The following LIMCH1 variants were observed in gnomAD, a reference collection of about 807,000 sequenced individuals.
LIMCH1 encodes the protein LIM and calponin homology domains 1, also known as LIM and calponin homology domains-containing protein 1.
LIMCH1 carries 113 observed loss-of-function variants against 176.5 expected under a neutral mutation model. That is an observed-to-expected ratio of 0.64 (90% confidence interval 0.55 to 0.75). The LOEUF is 0.75. Among genes scored for constraint, LIMCH1 ranks in the 30% least tolerant of loss-of-function variants. The pLI is 0.00. For synonymous variants in LIMCH1, 619 were observed against 645.9 expected, an observed-to-expected ratio of 0.96 and a Z score of 0.63; for missense variants, 1,674 against 1,814.9, an observed-to-expected ratio of 0.92 and a Z score of 1.41.
chr4:41,669,322 T>C (rs1006884561), intron 21 of LIMCH1, among the ~76,000 whole-genome samples: 14 of 152,204 alleles, frequency 9.2e-5, no homozygotes, highest in African/African-American at 1.7e-4. Flanking sequence ...ATTCTAGTAA[T>C]TGTAGAATAG....
At chr4:41,526,768 C>T (rs1055678850) in intron 3 of LIMCH1, among the ~76,000 whole-genome samples, 2 of 152,212 alleles carry the variant, frequency 1.3e-5, no homozygotes, top group Non-Finnish European at 2.9e-5. Flanking sequence ...CTTGCATCAC[C>T]AGTCCTGTGC....
At chr4:41,476,207 T>C (rs1473639407) in intron 1 of LIMCH1, among the ~76,000 whole-genome samples, 2 of 152,264 alleles carry the variant, frequency 1.3e-5, no homozygotes, top group East Asian at 1.9e-4. Flanking sequence ...GTGTTTAAGC[T>C]GATGTGTGGC....
At chr4:41,557,096 G>C (rs2081370871) in intron 1 of LIMCH1, among the ~76,000 whole-genome samples, 1 of 152,126 alleles carries the variant, frequency 6.6e-6, no homozygotes, top group Admixed American at 6.5e-5. Context: ...TGTATCGATT[G>C]CTTGACAATC....
intron 1 of LIMCH1, among the ~76,000 whole-genome samples, chr4:41,411,382 T>C (rs1203806308): frequency 6.6e-6 from 1 of 152,184 alleles, no homozygotes; most frequent in Non-Finnish European, 1.5e-5. Flanking sequence ...TTTTTTTGTT[T>C]GTGTTTTTTG....
At chr4:41,532,789 G>A (rs1328302600) in intron 3 of LIMCH1, among the ~76,000 whole-genome samples, 1 of 152,150 alleles carries the variant, frequency 6.6e-6, no homozygotes, top group African/African-American at 2.4e-5. Context: ...GTCCTTTCTG[G>A]TTTTCTTTTA....
At chr4:41,471,337 C>T (rs970348576) in intron 1 of LIMCH1, among the ~76,000 whole-genome samples, 1 of 152,150 alleles carries the variant, frequency 6.6e-6, no homozygotes, top group Non-Finnish European at 1.5e-5. Flanking sequence ...TCACCTTGAA[C>T]TGATTTTAAT....
At chr4:41,637,174 CTCCTTT>C (rs5857810) in intron 13 of LIMCH1, among the ~76,000 whole-genome samples, 1 of 151,016 alleles carries the variant, frequency 6.6e-6, no homozygotes, top group African/African-American at 2.4e-5. Context: ...TGCCCTTGCA[CTCCTTT>C]TCCTTTTCCT....
chr4:41,368,270 G>A (rs2053408483), intron 1 of LIMCH1, among the ~76,000 whole-genome samples: 1 of 152,222 alleles, frequency 6.6e-6, no homozygotes. Flanking sequence ...TTTAATGTGT[G>A]AAAGTGTGCT....
At chr4:41,484,894 CA>C (rs2069244692) in intron 1 of LIMCH1, among the ~76,000 whole-genome samples, 1 of 151,912 alleles carries the variant, frequency 6.6e-6, no homozygotes, top group Non-Finnish European at 1.5e-5. Context: ...AGATTGCTTT[CA>C]AAAAACAACC....
At position 41,439,314 on chromosome 4, in the gene LIMCH1, C is replaced by T. The variant is rs539760633; in HGVS notation, c.97-55222C>T. 3.3e-5 allele frequency among the ~76,000 whole-genome samples: 5 copies of T among 152,270 alleles called. No individual in the cohort carries two copies. The South Asian group carries it at 8.3e-4, about 25-fold the overall frequency. On this transcript the variant is annotated intron_variant, in intron 1 of 26. Transcript: ENST00000313860. ...GCTCAAAAAGGGGAGGGCAGGCCAG[C>T]GCCGTGGCTCATGCCTGTAATCCCA... is the stretch of plus-strand genomic sequence containing the variant.
At chr4:41,490,433 G>A (rs1476918095) in intron 1 of LIMCH1, among the ~76,000 whole-genome samples, 2 of 152,040 alleles carry the variant, frequency 1.3e-5, no homozygotes, top group East Asian at 3.9e-4. Flanking sequence ...GCAGCCTTCG[G>A]CCCTGTTTGT....
intron 1 of LIMCH1, among the ~76,000 whole-genome samples, chr4:41,597,398 G>C (rs553764305): frequency 2.0e-5 from 3 of 152,294 alleles, no homozygotes; most frequent in African/African-American, 7.2e-5. Flanking sequence ...AGAAAGGTTA[G>C]CAACTTATTG....
intron 1 of LIMCH1, among the ~76,000 whole-genome samples, chr4:41,556,925 A>G (rs573938510): frequency 6.6e-6 from 1 of 152,286 alleles, no homozygotes; most frequent in South Asian, 2.1e-4. Context: ...TGAATAAGGG[A>G]AGGTATTTGG....
At chr4:41,506,162 A>G (rs1480097378) in intron 2 of LIMCH1, among the ~76,000 whole-genome samples, 1 of 152,230 alleles carries the variant, frequency 6.6e-6, no homozygotes, top group Non-Finnish European at 1.5e-5. Flanking sequence ...CAAATAAGTG[A>G]CCAATAAAGA....
intron 1 of LIMCH1, among the ~76,000 whole-genome samples, chr4:41,421,650 G>A (rs114980180): frequency 0.014 from 2,161 of 152,076 alleles, 48 homozygotes; most frequent in African/African-American, 0.05. Flanking sequence ...TTTCATTTCT[G>A]GATCCTAATT....
intron 17 of LIMCH1, among the ~76,000 whole-genome samples, chr4:41,647,293 G>C (rs1289207913): frequency 6.6e-6 from 1 of 152,188 alleles, no homozygotes; most frequent in Non-Finnish European, 1.5e-5. Context: ...GGTTCAAATA[G>C]AAGTATATGC....
rs1161439582 is a variant in LIMCH1, at chr4:41,697,458, T to C, written c.*273T>C. 1 of 407,838 alleles carries C rather than the reference T, an allele frequency of 2.5e-6. No individual in the cohort carries two copies. Among genetic ancestry groups the C allele is most frequent in the Non-Finnish European group, 4.3e-6 (1 of 229,902 alleles). 25.3% of individuals were successfully genotyped at this position (407,838 alleles called of 1,614,324 possible). A position where few individuals can be genotyped will look rare whatever the true frequency, so the allele number is the denominator to read the frequency against. On this transcript the variant is annotated 3_prime_UTR_variant, in exon 32 of 32. Transcript: ENST00000503057. ...GAATAGCTCAAAAAAGGTTTTAGCA[T>C]GGTCAAACAGGCTTATGGTTTAAAA...
chr4:41,462,637 G>A (rs2065535847), intron 1 of LIMCH1, among the ~76,000 whole-genome samples: 1 of 152,134 alleles, frequency 6.6e-6, no homozygotes, highest in Admixed American at 6.5e-5. Flanking sequence ...TTGAAATTTT[G>A]AACTTTTATA....
intron 1 of LIMCH1, among the ~76,000 whole-genome samples, chr4:41,581,157 T>A (rs1016582852): frequency 6.6e-6 from 1 of 151,120 alleles, no homozygotes; most frequent in African/African-American, 2.4e-5. Flanking sequence ...ATCTAATCAA[T>A]CATCTGTTTT....
Sources: gnomAD v4.1 joint callset for allele counts (sites outside exome capture counted in the v4.1 genomes callset) on GRCh38, gnomAD v4.1.1 for gene constraint, MANE v1.5 for transcripts, NCBI Gene and HGNC (gene_info 2026-07-23, HGNC 2026-07-21) for gene names.